Variants in EPHA5 observed in about 807,000 individuals in gnomAD.
EPHA5 encodes ephrin type-A receptor 5.
Under a neutral mutation model 105.0 loss-of-function variants are expected in EPHA5, and 60 were observed. The ratio of observed to expected loss-of-function variants is 0.57; its 90% CI spans 0.46 to 0.71. The LOEUF (loss-of-function observed/expected upper bound fraction) is 0.71. EPHA5 is among the 30% of genes least tolerant of loss of function. EPHA5 has a pLI of 0.00. For synonymous variants in EPHA5, 513 were observed against 449.1 expected (o/e 1.14, Z -1.80); for missense variants, 1,218 against 1,274.7 (o/e 0.96, Z 0.68).
At position 65,374,184 on chromosome 4, in the gene EPHA5, C is replaced by T. The variant is rs570264700; in HGVS notation, c.1794-6760G>A. 2.6e-5 allele frequency among the ~76,000 whole-genome samples: 4 copies of T among 151,940 alleles called. No homozygotes were observed. The South Asian group carries it at 8.3e-4, about 32-fold the overall frequency. On this transcript the variant is annotated intron_variant, in intron 8 of 16. Transcript: ENST00000613740. ...AAAGGCAACGGCAACTTAAACAATA[C>T]CTTTGCTAAAAATGTGGGCAGCCTT...
rs1208833706 is a variant in EPHA5, at chr4:65,601,775, G to A, written c.776C>T (p.Ser259Leu). Residue 259 changes from serine to leucine, a missense_variant, in exon 3 of 17, where the codon TCA becomes TTA. By Grantham distance (145) the Ser-to-Leu change is moderately radical. Coordinates refer to ENST00000613740, the MANE Select transcript of EPHA5 (RefSeq NM_001281766.3). Reference protein sequence around the residue: ...GADSSQLLEVSGSCVNHSVTD... With the variant: ...GADSSQLLEVLGSCVNHSVTD... ...CACAGAATGGTTGACACAGGAGCCT[G>A]ACACTTCGAGCAATTGGGAAGAATC... is the stretch of plus-strand genomic sequence containing the variant. 2.5e-6 allele frequency: 4 copies of A among 1,614,028 alleles called. No homozygotes were observed. The Admixed American group carries it at 5.0e-5, about 20-fold the overall frequency.
chr4:65,428,941 T>C (rs192265281), intron 5 of EPHA5, among the ~76,000 whole-genome samples: 101 of 152,126 alleles, frequency 6.6e-4, no homozygotes, highest in South Asian at 1.7e-3. Context: ...GTAACAAATA[T>C]TAAATGTAAC....
At chr4:65,587,245 G>A (rs1484833865) in intron 3 of EPHA5, among the ~76,000 whole-genome samples, 1 of 151,978 alleles carries the variant, frequency 6.6e-6, no homozygotes, top group East Asian at 1.9e-4. Flanking sequence ...AGGTCCATGA[G>A]GTACAGAGGA....
At chr4:65,579,294 GA>G (rs1444708914) in intron 3 of EPHA5, among the ~76,000 whole-genome samples, 1 of 149,082 alleles carries the variant, frequency 6.7e-6, no homozygotes, top group Non-Finnish European at 1.5e-5. Context: ...ATAACTCGAA[GA>G]CAGAAAAGAG....
chr4:65,501,871 A>G (rs4860671), intron 3 of EPHA5, among the ~76,000 whole-genome samples: 99,513 of 151,520 alleles, frequency 0.66, 33,193 homozygotes, highest in East Asian at 0.83. Context: ...GGTTCCAGTA[A>G]GTGAAATAGC....
At chr4:65,495,907 A>G (rs1731885521) in intron 3 of EPHA5, among the ~76,000 whole-genome samples, 1 of 152,202 alleles carries the variant, frequency 6.6e-6, no homozygotes, top group South Asian at 2.1e-4. Flanking sequence ...TGTTGAAGAA[A>G]TAAATATTAT....
intron 11 of EPHA5, among the ~76,000 whole-genome samples, chr4:65,361,682 A>G (rs996209485): frequency 2.6e-5 from 4 of 151,744 alleles, no homozygotes; most frequent in African/African-American, 9.7e-5. Context: ...CAGTTTAGGT[A>G]ATCAATGTAG....
intron 6 of EPHA5, among the ~76,000 whole-genome samples, chr4:65,417,560 T>A (rs1442884220): frequency 6.6e-6 from 1 of 152,136 alleles, no homozygotes; most frequent in Non-Finnish European, 1.5e-5. Context: ...TTTTAATGAA[T>A]GTAAATAGGC....
At chr4:65,344,875 G>A (rs1396677185) in intron 14 of EPHA5, among the ~76,000 whole-genome samples, 1 of 152,146 alleles carries the variant, frequency 6.6e-6, no homozygotes, top group Non-Finnish European at 1.5e-5. Context: ...GAAAGCTGAT[G>A]TCGGACTATT....
At chr4:65,449,605 G>T (rs919689686) in intron 5 of EPHA5, among the ~76,000 whole-genome samples, 3 of 152,080 alleles carry the variant, frequency 2.0e-5, no homozygotes, top group African/African-American at 7.2e-5. Flanking sequence ...TCTAAGTATT[G>T]TTATGGGTTG....
In EPHA5 at chr4:65,633,272, T is replaced by C. The variant is rs377392960; in HGVS notation, c.246+10091A>G. 9.2e-5 allele frequency among the ~76,000 whole-genome samples: 14 copies of C among 152,134 alleles called. 2 individuals carry two copies. The South Asian group carries it at 2.7e-3, about 29-fold the overall frequency. ...TTCTCTGTGGGAGAGGGAGATTATG[T>C]ACTCAGAACCATAAAGCATTTGCTT... is the stretch of plus-strand genomic sequence containing the variant. On this transcript the variant is annotated intron_variant, in intron 2 of 16. Transcript: ENST00000613740.
intron 3 of EPHA5, among the ~76,000 whole-genome samples, chr4:65,580,566 G>T (rs4241668): frequency 0.25 from 37,803 of 151,566 alleles, 5,255 homozygotes; most frequent in East Asian, 0.46. Context: ...TTTGGCATAA[G>T]GATTATTTTG....
At chr4:65,456,883 A>G (rs1005770495) in intron 5 of EPHA5, among the ~76,000 whole-genome samples, 2 of 152,082 alleles carry the variant, frequency 1.3e-5, no homozygotes, top group African/African-American at 4.8e-5. Flanking sequence ...ATTCCTTTCT[A>G]TCTAATTAAA....
intron 14 of EPHA5, among the ~76,000 whole-genome samples, chr4:65,338,826 G>T (rs1721430948): frequency 6.6e-6 from 1 of 151,962 alleles, no homozygotes. Context: ...TACTCTGGTA[G>T]GTTGTAAAAT....
At chr4:65,612,730 T>G (rs1376804160) in intron 2 of EPHA5, among the ~76,000 whole-genome samples, 1 of 152,178 alleles carries the variant, frequency 6.6e-6, no homozygotes, top group East Asian at 1.9e-4. Flanking sequence ...ATTTGTGTTG[T>G]TTCGGGGTTG....
In EPHA5 at chr4:65,414,896, T is replaced by G. The variant is rs185940515; in HGVS notation, c.1528-453A>C. ...CTTATGCTTTAACTCATTAGTGAATTCAATTTCTAATTGTATTTAGTTCTT... is the reference window on the plus strand; with the variant it reads ...CTTATGCTTTAACTCATTAGTGAATGCAATTTCTAATTGTATTTAGTTCTT... On this transcript the variant is annotated intron_variant, in intron 6 of 16. Transcript: ENST00000613740. Among the ~76,000 whole-genome samples the G allele has an allele frequency of 1.6e-3, 243 of 152,340 alleles. 1 individual carries two copies. Among genetic ancestry groups the G allele is most frequent in the African/African-American group, 5.7e-3 (235 of 41,590 alleles).
intron 5 of EPHA5, among the ~76,000 whole-genome samples, chr4:65,465,516 AAAG>A (rs1560567211): frequency 7.2e-4 from 82 of 113,576 alleles, no homozygotes; most frequent in African/African-American, 9.1e-4. Context: ...AGAAAGAAAG[AAAG>A]AAAGAAAGAA....
intron 2 of EPHA5, among the ~76,000 whole-genome samples, chr4:65,620,108 G>GTA (rs34861369): frequency 0.35 from 48,596 of 137,174 alleles, 8,798 homozygotes; most frequent in Middle Eastern, 0.45. Flanking sequence ...TTGGACTCAG[G>GTA]TATATATATA....
At chr4:65,442,734 C>T (rs1186899663) in intron 5 of EPHA5, among the ~76,000 whole-genome samples, 1 of 152,140 alleles carries the variant, frequency 6.6e-6, no homozygotes, top group Non-Finnish European at 1.5e-5. Context: ...ATATGCCCAC[C>T]ACAACCATAT....
Sources: allele counts gnomAD v4.1 joint callset (sites outside exome capture counted in the v4.1 genomes callset), GRCh38; gene constraint gnomAD v4.1.1; transcripts MANE v1.5; gene names NCBI Gene and HGNC (gene_info 2026-07-23, HGNC 2026-07-21).